CSMD3: variants seen among roughly 807,000 people sequenced by gnomAD.
The protein encoded by CSMD3 is CUB and sushi domain-containing protein 3.
A neutral mutation model predicts 435.2 loss-of-function variants in CSMD3; 177 were observed. That is an observed-to-expected ratio of 0.41 (90% CI 0.36 to 0.46). CSMD3 has a LOEUF of 0.46. Among genes scored for constraint, CSMD3 ranks in the 20% least tolerant of loss-of-function variants. CSMD3 has a pLI of 0.34. For missense variants in CSMD3, 4,265 were observed against 4,504.6 expected (o/e 0.95, Z 1.52); for synonymous variants, 1,656 against 1,520.5 (o/e 1.09, Z -2.07).
At chr8:113,320,437 T>C (rs1339181752) in intron 1 of CSMD3, among the ~76,000 whole-genome samples, 1 of 152,088 alleles carries the variant, frequency 6.6e-6, no homozygotes, top group East Asian at 1.9e-4. Context: ...GCAATGACTA[T>C]ATGTATAGTA....
At chr8:113,274,526 T>C (rs2093554574) in intron 3 of CSMD3, among the ~76,000 whole-genome samples, 1 of 152,084 alleles carries the variant, frequency 6.6e-6, no homozygotes, top group Non-Finnish European at 1.5e-5. Flanking sequence ...CATTAGCTTT[T>C]ATTTTACAAA....
chr8:113,287,743 T>A (rs1336395309), intron 2 of CSMD3, among the ~76,000 whole-genome samples: 1 of 151,862 alleles, frequency 6.6e-6, no homozygotes, highest in Non-Finnish European at 1.5e-5. Flanking sequence ...AGAGGTGAGG[T>A]TTATGCATTG....
intron 30 of CSMD3, among the ~76,000 whole-genome samples, chr8:112,501,362 G>A (rs1160279390): frequency 5.3e-5 from 8 of 150,122 alleles, no homozygotes; most frequent in African/African-American, 1.7e-4. Flanking sequence ...GCTGCACTCC[G>A]GCCTGAGTGA....
At chr8:112,987,185 A>G (rs1383156154) in intron 6 of CSMD3, among the ~76,000 whole-genome samples, 1 of 152,074 alleles carries the variant, frequency 6.6e-6, no homozygotes, top group Non-Finnish European at 1.5e-5. Flanking sequence ...TTAAATATCT[A>G]ATAGTTTTAT....
chr8:112,433,800 C>T (rs1814015892), intron 32 of CSMD3, among the ~76,000 whole-genome samples: 1 of 151,556 alleles, frequency 6.6e-6, no homozygotes, highest in Non-Finnish European at 1.5e-5. Context: ...TAATTATTAA[C>T]TTTTGTATTT....
chr8:113,300,402 GT>G (rs2093756713), intron 2 of CSMD3, among the ~76,000 whole-genome samples: 1 of 152,060 alleles, frequency 6.6e-6, no homozygotes, highest in Admixed American at 6.6e-5. Context: ...GTTCACTGCA[GT>G]ACTATTCCCA....
intron 31 of CSMD3, among the ~76,000 whole-genome samples, chr8:112,477,502 G>A (rs1819173350): frequency 1.3e-5 from 2 of 152,058 alleles, no homozygotes; most frequent in Admixed American, 1.3e-4. Flanking sequence ...CTGGTGGGAA[G>A]TCTTTGGGTC....
intron 15 of CSMD3, among the ~76,000 whole-genome samples, chr8:112,684,292 T>A (rs1375285387): frequency 3.9e-5 from 6 of 152,052 alleles, no homozygotes; most frequent in Non-Finnish European, 1.5e-5. Flanking sequence ...TAATTTAACT[T>A]TAATAATATG....
intron 1 of CSMD3, among the ~76,000 whole-genome samples, chr8:113,433,881 C>G (rs1302331535): frequency 1.3e-5 from 2 of 151,974 alleles, no homozygotes; most frequent in Non-Finnish European, 2.9e-5. Flanking sequence ...TGCGTGTGTA[C>G]CTGTGTGGGG....
chr8:112,489,790 T>C (rs1344602008), intron 31 of CSMD3, among the ~76,000 whole-genome samples: 1 of 152,150 alleles, frequency 6.6e-6, no homozygotes, highest in Non-Finnish European at 1.5e-5. Context: ...TAAACTTATC[T>C]TGAACTTCTT....
chr8:112,577,511 T>A (rs1160532010), intron 23 of CSMD3, among the ~76,000 whole-genome samples: 1 of 152,074 alleles, frequency 6.6e-6, no homozygotes, highest in Admixed American at 6.6e-5. Context: ...AAGCATAATA[T>A]CCCCTTTCTT....
chr8:113,385,821 C>T (rs542027479), intron 1 of CSMD3, among the ~76,000 whole-genome samples: 1 of 152,112 alleles, frequency 6.6e-6, no homozygotes, highest in East Asian at 1.9e-4. Flanking sequence ...TTGGAAAACA[C>T]TAAGACACAA....
chr8:112,326,941 G>C (rs1010823510), intron 45 of CSMD3, among the ~76,000 whole-genome samples: 4 of 152,136 alleles, frequency 2.6e-5, no homozygotes, highest in African/African-American at 9.7e-5. Flanking sequence ...AGAATCACTT[G>C]AACTCAGGAG....
intron 10 of CSMD3, among the ~76,000 whole-genome samples, chr8:112,865,134 T>C (rs1366124370): frequency 6.6e-6 from 1 of 152,204 alleles, no homozygotes; most frequent in Non-Finnish European, 1.5e-5. Context: ...ACACATACAG[T>C]TAACCATGCT....
intron 56 of CSMD3, among the ~76,000 whole-genome samples, chr8:112,291,272 T>G (rs111251609): frequency 6.6e-6 from 1 of 151,972 alleles, no homozygotes; most frequent in Non-Finnish European, 1.5e-5. Context: ...ATATTTTATA[T>G]GCTCCAAAGT....
chr8:113,293,979 G>T (rs1427213941), intron 2 of CSMD3, among the ~76,000 whole-genome samples: 1 of 151,952 alleles, frequency 6.6e-6, no homozygotes, highest in African/African-American at 2.4e-5. Context: ...TTCCACAAAT[G>T]ATATTCTATC....
chr8:112,461,113 CAT>C (rs982247123), intron 32 of CSMD3, among the ~76,000 whole-genome samples: 14 of 152,062 alleles, frequency 9.2e-5, no homozygotes, highest in African/African-American at 1.9e-4. Context: ...AAACACCAAA[CAT>C]GTGTGTTTTA....
Position 112,653,294 on chromosome 8 carries a change from C to T in CSMD3, c.3004+2860G>A, listed in dbSNP as rs539246780. 2.6e-5 allele frequency among the ~76,000 whole-genome samples: 4 copies of T among 152,208 alleles called. No individual in the cohort carries two copies. The South Asian group carries it at 6.2e-4, about 24-fold the overall frequency. ...TTATTTATGTAATACAACGTTTGAA[C>T]ATTTTATGTTTCTGTTTCTACTACT... On this transcript the variant is annotated intron_variant, in intron 18 of 70. Coordinates refer to ENST00000297405, the MANE Select transcript of CSMD3 (RefSeq NM_198123.2).
chr8:113,366,874 T>C (rs1563750761), intron 1 of CSMD3, among the ~76,000 whole-genome samples: 1 of 152,092 alleles, frequency 6.6e-6, no homozygotes, highest in Non-Finnish European at 1.5e-5. Context: ...AGACAAAAAC[T>C]AGAGTTACGG....
Sources: gnomAD v4.1 joint callset for allele counts (sites outside exome capture counted in the v4.1 genomes callset) on GRCh38, gnomAD v4.1.1 for gene constraint, MANE v1.5 for transcripts, NCBI Gene and HGNC (gene_info 2026-07-23, HGNC 2026-07-21) for gene names.